Variants in SNTG2 observed in about 807,000 individuals in gnomAD.
SNTG2 encodes the protein gamma-2-syntrophin.
A neutral mutation model predicts 70.9 loss-of-function variants in SNTG2; 74 were observed. That is an observed-to-expected ratio of 1.04 (90% CI 0.86 to 1.27). SNTG2 has a LOEUF of 1.27. SNTG2 is among the 50% of genes most tolerant of loss of function. The pLI is 0.00. For missense variants in SNTG2, 717 were observed against 690.7 expected, an observed-to-expected ratio of 1.04 and a Z score of -0.43; for synonymous variants, 278 against 273.8, an observed-to-expected ratio of 1.02 and a Z score of -0.15.
chr2:1,042,219 C>CT (rs1294136224), intron 1 of SNTG2, among the ~76,000 whole-genome samples: 4 of 152,084 alleles, frequency 2.6e-5, no homozygotes, highest in African/African-American at 4.8e-5. Flanking sequence ...ATTTTAGGGC[C>CT]TTTTTTGTCA....
intron 6 of SNTG2, among the ~76,000 whole-genome samples, chr2:1,154,175 G>T (rs540995330): frequency 1.4e-4 from 21 of 152,174 alleles, no homozygotes; most frequent in Admixed American, 7.9e-4. Flanking sequence ...GGGGAGAGGC[G>T]GGAGGAGCAT....
chr2:1,247,217 T>C (rs1009342336), intron 11 of SNTG2, 110 bp from the exon 12 acceptor site: 3 of 638,862 alleles, frequency 4.7e-6, no homozygotes, highest in Admixed American at 2.6e-5. Context: ...CGTCTCCTGA[T>C]TCTGGGTGTG....
At chr2:1,019,539 G>T (rs1442158770) in intron 1 of SNTG2, among the ~76,000 whole-genome samples, 1 of 152,140 alleles carries the variant, frequency 6.6e-6, no homozygotes, top group Non-Finnish European at 1.5e-5. Context: ...GGTCAAAGTG[G>T]CTCCAAGCTT....
rs146852360 is a variant in SNTG2, at chr2:1,017,683, A to G, written c.73-65835A>G. On this transcript the variant is annotated intron_variant, in intron 1 of 16. Coordinates refer to ENST00000308624, the MANE Select transcript of SNTG2 (RefSeq NM_018968.4). ...TTAAATTTTGCCTAAGAGCTCACGT[A>G]TACATAAATTTTAAAAAGAAGAGTT... Among the ~76,000 whole-genome samples, 981 of 152,370 alleles carry G rather than the reference A, an allele frequency of 6.4e-3. 6 individuals carry two copies. Among genetic ancestry groups the G allele is most frequent in the Non-Finnish European group, 0.012 (809 of 68,034 alleles).
chr2:979,796 T>C (rs886259596), intron 1 of SNTG2, among the ~76,000 whole-genome samples: 2 of 152,200 alleles, frequency 1.3e-5, no homozygotes, highest in Non-Finnish European at 2.9e-5. Context: ...TAACTCTTAG[T>C]GGCATATTTG....
intron 4 of SNTG2, among the ~76,000 whole-genome samples, chr2:1,104,018 T>C (rs1040047217): frequency 1.4e-4 from 22 of 152,242 alleles, no homozygotes; most frequent in African/African-American, 5.3e-4. Flanking sequence ...AGGCATTCTA[T>C]GACCTTTAAC....
intron 4 of SNTG2, among the ~76,000 whole-genome samples, chr2:1,128,638 G>T (rs764420516): frequency 1.3e-5 from 2 of 152,076 alleles, no homozygotes; most frequent in Non-Finnish European, 2.9e-5. Flanking sequence ...AGTTTAATCT[G>T]AGTTTCCTGT....
At position 1,089,673 on chromosome 2, in the gene SNTG2, G is replaced by A. The variant is rs538206492; in HGVS notation, c.210+6018G>A. Among the ~76,000 whole-genome samples the A allele has an allele frequency of 6.0e-4, 92 of 152,326 alleles. 1 individual carries two copies. Among genetic ancestry groups the A allele is most frequent in the Middle Eastern group, 6.8e-3 (2 of 294 alleles). On this transcript the variant is annotated intron_variant, in intron 2 of 16. Coordinates refer to ENST00000308624, the MANE Select transcript of SNTG2 (RefSeq NM_018968.4). ...TAATAGTTTACATATGTTTGTGTAC[G>A]AGGGTGTGTGCACACAAAAGCACAC...
intron 16 of SNTG2, among the ~76,000 whole-genome samples, chr2:1,352,300 C>T (rs1002147525): frequency 1.3e-5 from 2 of 152,198 alleles, no homozygotes; most frequent in Non-Finnish European, 2.9e-5. Flanking sequence ...CTCCTCCCCT[C>T]TGCTCCTTTC....
intron 1 of SNTG2, among the ~76,000 whole-genome samples, chr2:1,077,568 G>T (rs977005880): frequency 5.3e-5 from 8 of 152,108 alleles, no homozygotes; most frequent in Non-Finnish European, 1.0e-4. Flanking sequence ...CACGCATTTA[G>T]TTTCGAATAT....
chr2:1,018,005 C>T (rs905962238), intron 1 of SNTG2, among the ~76,000 whole-genome samples: 3 of 152,164 alleles, frequency 2.0e-5, no homozygotes, highest in Non-Finnish European at 4.4e-5. Context: ...CCTTTTCCTC[C>T]AGGCCCTTTC....
intron 13 of SNTG2, among the ~76,000 whole-genome samples, chr2:1,260,936 A>G (rs1678381485): frequency 6.6e-6 from 1 of 152,152 alleles, no homozygotes; most frequent in Admixed American, 6.5e-5. Context: ...AGATTATTGT[A>G]TCTTACATAT....
At chr2:1,129,829 G>T (rs1241107500) in intron 4 of SNTG2, among the ~76,000 whole-genome samples, 1 of 152,102 alleles carries the variant, frequency 6.6e-6, no homozygotes, top group Admixed American at 6.5e-5. Context: ...GGACAATGTG[G>T]CTTCTTATCA....
At chr2:1,366,768 G>T (rs982232213) in intron 16 of SNTG2, among the ~76,000 whole-genome samples, 32 of 152,326 alleles carry the variant, frequency 2.1e-4, no homozygotes, top group African/African-American at 7.7e-4. Context: ...CACACAGCAG[G>T]CGCTGTTCCT....
chr2:1,106,720 G>C (rs1666187641), intron 4 of SNTG2, among the ~76,000 whole-genome samples: 1 of 125,246 alleles, frequency 8.0e-6, no homozygotes. Context: ...TCGGGTGCAG[G>C]GTGTGGAGAG....
chr2:1,088,578 G>C (rs1188991405), intron 2 of SNTG2, among the ~76,000 whole-genome samples: 1 of 152,202 alleles, frequency 6.6e-6, no homozygotes, highest in Non-Finnish European at 1.5e-5. Context: ...ACTGTTCCTA[G>C]AAAGTAGAAA....
At position 1,020,551 on chromosome 2, in the gene SNTG2, C is replaced by T. The variant is rs76795151; in HGVS notation, c.73-62967C>T. Among the ~76,000 whole-genome samples, 174 of 147,952 alleles carry T rather than the reference C, an allele frequency of 1.2e-3. 2 individuals are homozygous for T. The East Asian group carries it at 0.032, about 28-fold the overall frequency. Reference sequence around the variant, plus strand: ...TCTGTGTACTCATTCCTGCACTTCTCCAAATTTGTAGGAATTTTTTTTTTA... The same window carrying T: ...TCTGTGTACTCATTCCTGCACTTCTTCAAATTTGTAGGAATTTTTTTTTTA... On this transcript the variant is annotated intron_variant, in intron 1 of 16. Coordinates refer to ENST00000308624, the MANE Select transcript of SNTG2 (RefSeq NM_018968.4).
intron 1 of SNTG2, among the ~76,000 whole-genome samples, chr2:1,081,837 G>T (rs915754184): frequency 6.6e-6 from 1 of 152,266 alleles, no homozygotes; most frequent in Non-Finnish European, 1.5e-5. Flanking sequence ...TTCCCATTGG[G>T]TGCAGTTTTA....
chr2:1,300,027 G>A (rs1391078834), intron 14 of SNTG2, among the ~76,000 whole-genome samples: 5 of 150,378 alleles, frequency 3.3e-5, no homozygotes, highest in Non-Finnish European at 7.4e-5. Context: ...TGCCTCAAAC[G>A]AGGGCACTGT....
Sources: gnomAD v4.1 joint callset for allele counts (sites outside exome capture counted in the v4.1 genomes callset) on GRCh38, gnomAD v4.1.1 for gene constraint, MANE v1.5 for transcripts, NCBI Gene and HGNC (gene_info 2026-07-23, HGNC 2026-07-21) for gene names.